HOMER1: variants seen among roughly 807,000 people sequenced by gnomAD.
HOMER1 encodes homer scaffold protein 1.
Under a neutral mutation model 48.9 loss-of-function variants are expected in HOMER1, and 3 were observed. That is an observed-to-expected ratio of 0.06 (90% CI 0.03 to 0.16). The LOEUF is 0.16. Ranked by LOEUF, HOMER1 falls within the 10% of genes least tolerant of loss-of-function variation. The probability of loss-of-function intolerance (pLI) is 1.00; values close to 1 mark genes in which losing one functional copy is unlikely to be tolerated. For synonymous variants in HOMER1, 134 were observed against 146.4 expected (o/e 0.92, Z 0.61); for missense variants, 247 against 411.4 (o/e 0.60, Z 3.46).
chr5:79,393,709 A>G (rs1409105791), intron 8 of HOMER1, among the ~76,000 whole-genome samples: 6 of 152,236 alleles, frequency 3.9e-5, no homozygotes, highest in Non-Finnish European at 7.3e-5. Context: ...TCAGAAAGGC[A>G]AAGATTTATG....
intron 1 of HOMER1, among the ~76,000 whole-genome samples, chr5:79,473,659 C>T (rs1240190537): frequency 6.6e-6 from 1 of 152,160 alleles, no homozygotes; most frequent in African/African-American, 2.4e-5. Context: ...TCTAGAATCT[C>T]AATCAAGGGC....
chr5:79,452,686 TAAA>T (rs963633373), intron 2 of HOMER1, among the ~76,000 whole-genome samples: 1 of 148,282 alleles, frequency 6.7e-6, no homozygotes, highest in African/African-American at 2.5e-5. Flanking sequence ...CCTGTCCTAC[TAAA>T]AAAAAAACCA....
chr5:79,403,299 C>G (rs187134203), intron 5 of HOMER1, among the ~76,000 whole-genome samples: 41 of 152,132 alleles, frequency 2.7e-4, no homozygotes, highest in African/African-American at 9.2e-4. Context: ...CATTTGTATT[C>G]TAGGGTAAAT....
chr5:79,456,145 CAAAAAAAA>C (rs66567622), intron 2 of HOMER1, among the ~76,000 whole-genome samples: 2 of 112,532 alleles, frequency 1.8e-5, no homozygotes. Flanking sequence ...GACTCCGTCT[CAAAAAAAA>C]AAAAAAAAAA....
At chr5:79,460,258 C>T (rs139841654) in intron 1 of HOMER1, among the ~76,000 whole-genome samples, 263 of 152,256 alleles carry the variant, frequency 1.7e-3, no homozygotes, top group African/African-American at 6.0e-3. Flanking sequence ...CTTGAGCTCA[C>T]AAGTTCGAGA....
In HOMER1 at chr5:79,483,820, C is replaced by T. The variant is rs185428630; in HGVS notation, c.6-26802G>A. 6.7e-4 allele frequency among the ~76,000 whole-genome samples: 100 copies of T among 149,802 alleles called. 4 individuals carry two copies. The highest frequency in any genetic ancestry group is 2.2e-3 in the African/African-American group (91 of 40,816). Reference sequence around the variant, plus strand: ...CGGTAATCCCAGCACTTTGGGAGGCCGAGGTGGGTGGATCACCTGAGGTCA... The same window carrying T: ...CGGTAATCCCAGCACTTTGGGAGGCTGAGGTGGGTGGATCACCTGAGGTCA... On this transcript the variant is annotated intron_variant, in intron 1 of 8. Coordinates refer to ENST00000334082, the MANE Select transcript of HOMER1 (RefSeq NM_004272.5).
In HOMER1 at chr5:79,499,539, A is replaced by T. The variant is rs144903131; in HGVS notation, c.5+13231T>A. 9.7e-4 allele frequency among the ~76,000 whole-genome samples: 148 copies of T among 152,064 alleles called. 1 individual carries two copies. Among genetic ancestry groups the T allele is most frequent in the African/African-American group, 3.4e-3 (141 of 41,442 alleles). On this transcript the variant is annotated intron_variant, in intron 1 of 8. Coordinates refer to ENST00000334082, the MANE Select transcript of HOMER1 (RefSeq NM_004272.5). ...ATTTGAAAAAACAGGTTAACTGCAT[A>T]CCTTAGAAGTATTGAAAAAAATAGA...
intron 2 of HOMER1, among the ~76,000 whole-genome samples, chr5:79,454,968 T>C (rs1464651912): frequency 6.6e-6 from 1 of 152,142 alleles, no homozygotes; most frequent in Non-Finnish European, 1.5e-5. Context: ...AACTGAGGCA[T>C]ACAGTTTTTT....
chr5:79,402,166 T>TTA, intron 5 of HOMER1, 111 bp from the exon 6 acceptor site: 2 of 958,130 alleles, frequency 2.1e-6, no homozygotes, highest in Non-Finnish European at 1.5e-6. Context: ...ATGTTTTCTT[T>TTA]TCTTTTTTTT....
At position 79,513,075 on chromosome 5, in the gene HOMER1, G is replaced by A; in HGVS notation, c.-301C>T. The A allele has an allele frequency of 4.5e-6, 2 of 442,392 alleles. No individual in the cohort carries two copies. The highest frequency in any genetic ancestry group is 8.1e-6 in the Non-Finnish European group (2 of 248,324). 27.4% of individuals were successfully genotyped at this position (442,392 alleles called of 1,614,324 possible). A position where few individuals can be genotyped will look rare whatever the true frequency, so the allele number is the denominator to read the frequency against. The stretch of plus-strand genomic sequence containing the variant: ...ATGAGTCTACAAGTAGGGAAATGCA[G>A]AATCCGGCTTCACCGAGTCCTATAA... On this transcript the variant is annotated 5_prime_UTR_variant, in exon 1 of 9. Transcript: ENST00000334082.
chr5:79,484,619 T>C (rs1752044189), intron 1 of HOMER1, among the ~76,000 whole-genome samples: 1 of 152,188 alleles, frequency 6.6e-6, no homozygotes, highest in Admixed American at 6.5e-5. Flanking sequence ...CAACAACCTA[T>C]ATGATGCTTA....
At chr5:79,499,975 T>C (rs1217436795) in intron 1 of HOMER1, among the ~76,000 whole-genome samples, 3 of 152,192 alleles carry the variant, frequency 2.0e-5, no homozygotes, top group Non-Finnish European at 4.4e-5. Flanking sequence ...CTAGTGATGC[T>C]GGAAGTGCTC....
intron 1 of HOMER1, among the ~76,000 whole-genome samples, chr5:79,472,798 T>TA (rs900364496): frequency 2.3e-4 from 34 of 149,950 alleles, no homozygotes; most frequent in African/African-American, 6.8e-4. Context: ...TGTTTTTAAT[T>TA]AAAAAAAAAA....
chr5:79,413,324 ATATCCTG>A (rs1749855157), intron 5 of HOMER1, among the ~76,000 whole-genome samples: 1 of 152,240 alleles, frequency 6.6e-6, no homozygotes, highest in African/African-American at 2.4e-5. Flanking sequence ...AAGTGCAAAC[ATATCCTG>A]TATCACATGT....
intron 1 of HOMER1, 74 bp from the exon 2 acceptor site, chr5:79,457,092 T>C (rs949979543): frequency 2.2e-6 from 3 of 1,378,450 alleles, no homozygotes; most frequent in Non-Finnish European, 3.1e-6. Flanking sequence ...ACATGAAAAC[T>C]GCAAGGATGA....
At chr5:79,482,854 A>T in intron 1 of HOMER1, among the ~76,000 whole-genome samples, 1 of 151,854 alleles carries the variant, frequency 6.6e-6, no homozygotes, top group East Asian at 1.9e-4. Context: ...AAAAAAAAAA[A>T]TAGCTGGACA....
At chr5:79,403,748 T>G (rs1749590263) in intron 5 of HOMER1, among the ~76,000 whole-genome samples, 1 of 152,184 alleles carries the variant, frequency 6.6e-6, no homozygotes, top group South Asian at 2.1e-4. Flanking sequence ...ATGTTAACAT[T>G]AAGGGAAGCT....
intron 1 of HOMER1, among the ~76,000 whole-genome samples, chr5:79,502,590 C>T (rs1014685526): frequency 1.3e-5 from 2 of 152,144 alleles, no homozygotes; most frequent in African/African-American, 2.4e-5. Flanking sequence ...TGAGGTCATA[C>T]AGAACATCTA....
intron 1 of HOMER1, among the ~76,000 whole-genome samples, chr5:79,501,959 A>G (rs546543497): frequency 1.3e-5 from 2 of 152,170 alleles, no homozygotes; most frequent in Non-Finnish European, 2.9e-5. Context: ...TTTGAGATAA[A>G]GCTAAAATTG....
Sources: gnomAD v4.1 joint callset for allele counts (sites outside exome capture counted in the v4.1 genomes callset) on GRCh38, gnomAD v4.1.1 for gene constraint, MANE v1.5 for transcripts, NCBI Gene and HGNC (gene_info 2026-07-23, HGNC 2026-07-21) for gene names.